Variants in STPG2 observed in about 807,000 individuals in gnomAD.
STPG2 encodes sperm-tail PG-rich repeat-containing protein 2.
A neutral mutation model predicts 54.2 loss-of-function variants in STPG2; 56 were observed. That is an observed-to-expected ratio of 1.03 (90% CI 0.83 to 1.29). STPG2 has a LOEUF of 1.29. STPG2 is among the 50% of genes most tolerant of loss of function. STPG2 has a pLI of 0.00. For synonymous variants in STPG2, 200 were observed against 181.8 expected (o/e 1.10, Z -0.81); for missense variants, 596 against 544.9 (o/e 1.09, Z -0.93).
intron 7 of STPG2, among the ~76,000 whole-genome samples, chr4:97,952,144 C>T (rs1733495898): frequency 6.6e-6 from 1 of 152,074 alleles, no homozygotes; most frequent in South Asian, 2.1e-4. Flanking sequence ...ACCTCTCAAC[C>T]ACACCTGAAC....
intron 5 of STPG2, among the ~76,000 whole-genome samples, chr4:98,051,991 G>A (rs956391577): frequency 6.6e-6 from 1 of 151,666 alleles, no homozygotes; most frequent in African/African-American, 2.4e-5. Flanking sequence ...AGAGGCTGAG[G>A]CAGGAGAATC....
chr4:97,740,465 A>G (rs2149035929), intron 9 of STPG2, among the ~76,000 whole-genome samples: 1 of 152,268 alleles, frequency 6.6e-6, no homozygotes, highest in Admixed American at 6.5e-5. Context: ...AGAAAACCCC[A>G]TTGTCTCAGC....
chr4:97,862,154 C>T (rs998776791), intron 8 of STPG2, among the ~76,000 whole-genome samples: 1 of 151,870 alleles, frequency 6.6e-6, no homozygotes, highest in Non-Finnish European at 1.5e-5. Context: ...CAAGACCCAT[C>T]AGTGTGCTGT....
intron 9 of STPG2, among the ~76,000 whole-genome samples, chr4:97,787,290 T>C (rs1467889914): frequency 1.3e-5 from 2 of 152,164 alleles, no homozygotes; most frequent in Non-Finnish European, 2.9e-5. Flanking sequence ...CAATTTATCA[T>C]ATTGAGGAAG....
At chr4:97,652,346 C>A (rs1485922678) in intron 10 of STPG2, among the ~76,000 whole-genome samples, 4 of 151,640 alleles carry the variant, frequency 2.6e-5, no homozygotes, top group Non-Finnish European at 5.9e-5. Flanking sequence ...TATCAAGCAC[C>A]TTGTTTTCCT....
chr4:97,459,233 T>C (rs773816665), intron 4 of STPG2, among the ~76,000 whole-genome samples: 4 of 152,050 alleles, frequency 2.6e-5, no homozygotes, highest in Non-Finnish European at 5.9e-5. Context: ...TGATACAATA[T>C]ATTAACAATT....
At chr4:97,634,872 C>T (rs1420293262) in intron 10 of STPG2, among the ~76,000 whole-genome samples, 2 of 151,262 alleles carry the variant, frequency 1.3e-5, no homozygotes, top group African/African-American at 4.8e-5. Flanking sequence ...GATTGGTGTA[C>T]CTGAAAGTGA....
At chr4:98,117,965 C>T (rs987214749) in intron 3 of STPG2, among the ~76,000 whole-genome samples, 4 of 151,940 alleles carry the variant, frequency 2.6e-5, no homozygotes, top group African/African-American at 9.7e-5. Context: ...TGTATATGGG[C>T]CATTTTTTTA....
At chr4:97,827,230 A>G (rs1247037480) in intron 9 of STPG2, among the ~76,000 whole-genome samples, 3 of 146,104 alleles carry the variant, frequency 2.1e-5, no homozygotes, top group Non-Finnish European at 4.5e-5. Flanking sequence ...TTTGAGCTAT[A>G]GACAGCTTTT....
intron 8 of STPG2, among the ~76,000 whole-genome samples, chr4:97,877,863 G>A (rs1451409848): frequency 6.6e-6 from 1 of 152,054 alleles, no homozygotes; most frequent in Non-Finnish European, 1.5e-5. Context: ...ACAGTCCAAA[G>A]TCTCATCTGA....
chr4:97,635,651 C>T (rs142590658), intron 10 of STPG2, among the ~76,000 whole-genome samples: 67,811 of 151,706 alleles, frequency 0.45, 16,724 homozygotes, highest in South Asian at 0.62. Flanking sequence ...GGAAGATCTA[C>T]GAAGCAAATG....
chr4:97,932,306 C>T (rs1732579851), intron 8 of STPG2, among the ~76,000 whole-genome samples: 1 of 151,962 alleles, frequency 6.6e-6, no homozygotes, highest in African/African-American at 2.4e-5. Context: ...ATCCTTGATT[C>T]TCTAATTTTT....
chr4:97,623,620 A>G (rs1462564056), intron 10 of STPG2, among the ~76,000 whole-genome samples: 1 of 151,980 alleles, frequency 6.6e-6, no homozygotes, highest in Admixed American at 6.6e-5. Flanking sequence ...AGTGGAGAAA[A>G]AATTTTTAAA....
At chr4:97,906,200 C>T (rs1340579250) in intron 8 of STPG2, among the ~76,000 whole-genome samples, 2 of 152,172 alleles carry the variant, frequency 1.3e-5, no homozygotes, top group Admixed American at 6.5e-5. Flanking sequence ...ACCGATCCCA[C>T]AGAAATACAA....
At chr4:98,045,851 T>C (rs1389064491) in intron 5 of STPG2, among the ~76,000 whole-genome samples, 1 of 152,122 alleles carries the variant, frequency 6.6e-6, no homozygotes. Context: ...TTCATTTTAT[T>C]TGGTGTCCTT....
chr4:97,651,544 T>C (rs1281529110), intron 10 of STPG2, among the ~76,000 whole-genome samples: 4 of 152,070 alleles, frequency 2.6e-5, no homozygotes, highest in African/African-American at 9.6e-5. Context: ...ATGATGCAGA[T>C]GTTTGAAAAT....
intron 4 of STPG2, among the ~76,000 whole-genome samples, chr4:97,498,983 C>T (rs1238430366): frequency 6.6e-6 from 1 of 151,940 alleles, no homozygotes; most frequent in African/African-American, 2.4e-5. Flanking sequence ...GAAGCCAGTA[C>T]TTAAGGAATG....
intron 9 of STPG2, among the ~76,000 whole-genome samples, chr4:97,813,898 G>A (rs761471506): frequency 6.6e-6 from 1 of 151,874 alleles, no homozygotes; most frequent in African/African-American, 2.4e-5. Flanking sequence ...TTCAGCTAAG[G>A]TTAGGTCATT....
chr4:98,138,378 A>G (rs1016726887), intron 1 of STPG2, among the ~76,000 whole-genome samples: 1 of 152,062 alleles, frequency 6.6e-6, no homozygotes, highest in African/African-American at 2.4e-5. Context: ...AGGAGATTTG[A>G]GAAGAAAGAA....
Sources: gnomAD v4.1 joint callset for allele counts (sites outside exome capture counted in the v4.1 genomes callset) on GRCh38, gnomAD v4.1.1 for gene constraint, MANE v1.5 for transcripts, NCBI Gene and HGNC (gene_info 2026-07-23, HGNC 2026-07-21) for gene names.